The following SORCS1 variants were observed in gnomAD, a reference collection of about 807,000 sequenced individuals.
The protein encoded by SORCS1 is VPS10 domain-containing receptor SorCS1.
In SORCS1, 60 loss-of-function variants were observed where a neutral mutation model predicts 146.1. The observed-to-expected ratio is 0.41, with a 90% CI of 0.33 to 0.51. The LOEUF is 0.51. Among genes scored for constraint, SORCS1 ranks in the 20% least tolerant of loss-of-function variants. The pLI, the probability that SORCS1 is intolerant of heterozygous loss-of-function variation, is 0.21. For synonymous variants in SORCS1, 637 were observed against 584.0 expected, an observed-to-expected ratio of 1.09 and a Z score of -1.31; for missense variants, 1,352 against 1,487.6, an observed-to-expected ratio of 0.91 and a Z score of 1.50.
intron 2 of SORCS1, among the ~76,000 whole-genome samples, chr10:106,895,610 C>G (rs1951443055): frequency 6.6e-6 from 1 of 152,080 alleles, no homozygotes; most frequent in Admixed American, 6.6e-5. Flanking sequence ...GACTCTGTCT[C>G]AAAAATACTA....
intron 6 of SORCS1, among the ~76,000 whole-genome samples, chr10:106,720,598 G>A (rs1049206787): frequency 4.0e-5 from 6 of 150,808 alleles, no homozygotes; most frequent in South Asian, 2.1e-4. Flanking sequence ...TTTTTAAGCC[G>A]GAGCCAGAAA....
intron 22 of SORCS1, among the ~76,000 whole-genome samples, chr10:106,611,435 T>A (rs769322903): frequency 2.0e-5 from 3 of 152,140 alleles, no homozygotes; most frequent in Admixed American, 6.5e-5. Context: ...TGACTAACCA[T>A]CATATACTGA....
At chr10:106,994,975 C>T (rs922747243) in intron 1 of SORCS1, among the ~76,000 whole-genome samples, 3 of 152,004 alleles carry the variant, frequency 2.0e-5, no homozygotes, top group African/African-American at 7.2e-5. Flanking sequence ...AACTGAACGT[C>T]GGAAAATAAA....
At chr10:107,079,197 G>C (rs573828163) in intron 1 of SORCS1, among the ~76,000 whole-genome samples, 130 of 150,792 alleles carry the variant, frequency 8.6e-4, no homozygotes, top group South Asian at 2.7e-3. Context: ...CTGCACTCCA[G>C]CCTGGGCAAC....
At chr10:107,024,809 T>A (rs1162214507) in intron 1 of SORCS1, among the ~76,000 whole-genome samples, 1 of 152,180 alleles carries the variant, frequency 6.6e-6, no homozygotes, top group African/African-American at 2.4e-5. Flanking sequence ...GAGTACATCT[T>A]TAAAAGACAT....
intron 1 of SORCS1, among the ~76,000 whole-genome samples, chr10:107,049,308 T>A (rs1959864133): frequency 6.9e-6 from 1 of 145,074 alleles, no homozygotes. Flanking sequence ...TTAGGAGATA[T>A]ACCTAATGCT....
intron 1 of SORCS1, among the ~76,000 whole-genome samples, chr10:107,125,641 A>G (rs1365847347): frequency 6.6e-6 from 1 of 152,230 alleles, no homozygotes; most frequent in Non-Finnish European, 1.5e-5. Flanking sequence ...AAGGTGAAAT[A>G]AGGGGGAAAA....
Position 106,801,524 on chromosome 10 carries a change from A to ATTT in SORCS1, c.727-24835_727-24833dup, listed in dbSNP as rs34849434. Among the ~76,000 whole-genome samples the ATTT allele has an allele frequency of 4.0e-3, 453 of 113,816 alleles. 9 individuals are homozygous for ATTT. The highest frequency in any genetic ancestry group is 0.013 in the African/African-American group (379 of 28,612). 74.7% of individuals were successfully genotyped at this position (113,816 alleles called of 152,430 possible). ...TTGGGCAGGAACTATTAGTATAGCCATTTTTTTTTTTTTTTTTTTTTTGAG... is the reference window on the plus strand; with the variant it reads ...TTGGGCAGGAACTATTAGTATAGCCATTTTTTTTTTTTTTTTTTTTTTTTTGAG... On this transcript the variant is annotated intron_variant, in intron 3 of 25. Coordinates refer to ENST00000263054, the MANE Select transcript of SORCS1 (RefSeq NM_052918.5).
chr10:107,048,031 C>T (rs1018360618), intron 1 of SORCS1, among the ~76,000 whole-genome samples: 1 of 151,796 alleles, frequency 6.6e-6, no homozygotes, highest in Non-Finnish European at 1.5e-5. Context: ...TGCAGTGAGC[C>T]GAGCTGCAAT....
intron 10 of SORCS1, 139 bp downstream of exon 10, chr10:106,688,053 C>T (rs900612895): frequency 8.6e-7 from 1 of 1,158,054 alleles, no homozygotes; most frequent in Non-Finnish European, 1.2e-6. Context: ...GTTTTCTACA[C>T]CCTTTGCCTT....
chr10:106,899,039 A>T (rs143025607), intron 2 of SORCS1, among the ~76,000 whole-genome samples: 1 of 152,290 alleles, frequency 6.6e-6, no homozygotes, highest in Non-Finnish European at 1.5e-5. Context: ...TTACTCCATA[A>T]ATCATTCATT....
In SORCS1 at chr10:106,982,741, G is replaced by A. The variant is rs1956288668; in HGVS notation, c.559-26161C>T. Among the ~76,000 whole-genome samples the A allele has an allele frequency of 2.6e-5, 4 of 152,108 alleles. No individual in the cohort carries two copies. In the South Asian group the frequency reaches 8.3e-4, roughly 32 times the overall value. ...GATTAAGTATACTAGAAATAACAAA[G>A]CTTTGGCTTGCTGGCTGCAGTTTAC... is the stretch of plus-strand genomic sequence containing the variant. On this transcript the variant is annotated intron_variant, in intron 1 of 25. Coordinates refer to ENST00000263054, the MANE Select transcript of SORCS1 (RefSeq NM_052918.5).
intron 1 of SORCS1, among the ~76,000 whole-genome samples, chr10:106,990,189 T>C (rs1589866093): frequency 6.6e-6 from 1 of 152,286 alleles, no homozygotes; most frequent in East Asian, 1.9e-4. Context: ...ACATATCTCA[T>C]CCAGTCAAGC....
At chr10:106,597,075 C>T (rs879832219) in intron 24 of SORCS1, among the ~76,000 whole-genome samples, 1 of 152,136 alleles carries the variant, frequency 6.6e-6, no homozygotes, top group African/African-American at 2.4e-5. Flanking sequence ...TGATCTCAAA[C>T]ACCTGACCTC....
upstream of SORCS1, among the ~76,000 whole-genome samples, chr10:107,169,527 A>G (rs1049744459): frequency 6.6e-6 from 1 of 152,230 alleles, no homozygotes; most frequent in Non-Finnish European, 1.5e-5. Flanking sequence ...TTATCTACCT[A>G]ACTCATAAGG....
chr10:106,865,120 G>A (rs531986254), intron 2 of SORCS1, among the ~76,000 whole-genome samples: 1 of 152,110 alleles, frequency 6.6e-6, no homozygotes, highest in South Asian at 2.1e-4. Context: ...CAGCACAGCT[G>A]CTATACAAAA....
intron 24 of SORCS1, among the ~76,000 whole-genome samples, chr10:106,580,590 C>T (rs1444278861): frequency 6.6e-6 from 1 of 152,172 alleles, no homozygotes; most frequent in Non-Finnish European, 1.5e-5. Flanking sequence ...TAAGCAAAGC[C>T]TGATACCCAG....
At chr10:107,096,543 C>T (rs1458718582) in intron 1 of SORCS1, among the ~76,000 whole-genome samples, 2 of 152,066 alleles carry the variant, frequency 1.3e-5, no homozygotes, top group South Asian at 2.1e-4. Context: ...GACGGAGTCT[C>T]CTTCTGTCGC....
In SORCS1 at chr10:107,098,967, A is replaced by G. The variant is rs1214202599; in HGVS notation, c.558+65002T>C. Among the ~76,000 whole-genome samples the G allele has an allele frequency of 2.6e-5, 4 of 152,240 alleles. No individual in the cohort carries two copies. The East Asian group carries it at 7.7e-4, about 29-fold the overall frequency. ...ATTTTTCACTCAATAACTCTTCATG[A>G]ACAACCAACAATGCGTACAGTACTG... On this transcript the variant is annotated intron_variant, in intron 1 of 25. Coordinates refer to ENST00000263054, the MANE Select transcript of SORCS1 (RefSeq NM_052918.5).
Sources: allele counts gnomAD v4.1 joint callset (sites outside exome capture counted in the v4.1 genomes callset), GRCh38; gene constraint gnomAD v4.1.1; transcripts MANE v1.5; gene names NCBI Gene and HGNC (gene_info 2026-07-23, HGNC 2026-07-21).